Variants in HSD17B4 observed in about 807,000 individuals in gnomAD.
The protein encoded by HSD17B4 is peroxisomal multifunctional enzyme type 2.
In HSD17B4, 70 loss-of-function variants were observed where a neutral mutation model predicts 101.0. The ratio of observed to expected loss-of-function variants is 0.69; its 90% CI spans 0.57 to 0.85. The LOEUF (loss-of-function observed/expected upper bound fraction) is 0.85. HSD17B4 is among the 40% of genes least tolerant of loss of function. The pLI, the probability that HSD17B4 is intolerant of heterozygous loss-of-function variation, is 0.00. For missense variants in HSD17B4, 984 were observed against 892.4 expected (o/e 1.10, Z -1.31); for synonymous variants, 347 against 297.1 (o/e 1.17, Z -1.73).
At chr5:119,518,290 G>T (rs1003465884) in intron 17 of HSD17B4, among the ~76,000 whole-genome samples, 11 of 151,966 alleles carry the variant, frequency 7.2e-5, no homozygotes, top group African/African-American at 2.7e-4. Flanking sequence ...AAGGTCTGCA[G>T]CTTCACTCCT....
intron 12 of HSD17B4, among the ~76,000 whole-genome samples, chr5:119,497,085 GC>G (rs1210258636): frequency 1.3e-5 from 2 of 152,164 alleles, no homozygotes; most frequent in Admixed American, 1.3e-4. Flanking sequence ...GCCGAGTGGG[GC>G]TTGGAGAATG....
intron 13 of HSD17B4, among the ~76,000 whole-genome samples, chr5:119,500,596 G>C (rs1037774332): frequency 6.6e-6 from 1 of 151,942 alleles, no homozygotes; most frequent in East Asian, 1.9e-4. Flanking sequence ...GGTCTAACTG[G>C]GTCCTTAGCA....
intron 8 of HSD17B4, among the ~76,000 whole-genome samples, chr5:119,486,733 G>A (rs915525080): frequency 1.3e-5 from 2 of 152,084 alleles, no homozygotes; most frequent in African/African-American, 2.4e-5. Flanking sequence ...TCTTGTACAT[G>A]TGTTCTGGAT....
At chr5:119,533,810 A>T (rs1427379060) in intron 22 of HSD17B4, among the ~76,000 whole-genome samples, 1 of 152,120 alleles carries the variant, frequency 6.6e-6, no homozygotes, top group Non-Finnish European at 1.5e-5. Context: ...GCAGGAAGAA[A>T]ATGGAAGGAA....
At chr5:119,469,435 AC>A (rs1391593200) in intron 2 of HSD17B4, among the ~76,000 whole-genome samples, 1 of 151,800 alleles carries the variant, frequency 6.6e-6, no homozygotes, top group Non-Finnish European at 1.5e-5. Context: ...GCTCATTGCA[AC>A]CTCTGCCTCC....
chr5:119,497,394 T>C (rs914312518), intron 12 of HSD17B4, among the ~76,000 whole-genome samples: 7 of 152,230 alleles, frequency 4.6e-5, no homozygotes, highest in African/African-American at 1.7e-4. Flanking sequence ...CAGATATGTA[T>C]GCCTGCCTGG....
rs546975744 is a variant in HSD17B4 at position 119,500,339 on chromosome 5, T to G, written c.1209+786T>G. On this transcript the variant is annotated intron_variant, in intron 13 of 23. Transcript: ENST00000510025. ...AGAGAGATGGGTGCATATATATACA[T>G]TGTATATAGTTATACATTGTATATA... 2.6e-5 allele frequency among the ~76,000 whole-genome samples: 4 copies of G among 151,914 alleles called. No individual in the cohort carries two copies. In the East Asian group the frequency reaches 5.8e-4, roughly 22 times the overall value.
chr5:119,493,708 C>T (rs1022405300), intron 10 of HSD17B4, 110 bp from the exon 11 acceptor site: 11 of 986,966 alleles, frequency 1.1e-5, no homozygotes, highest in East Asian at 7.8e-5. Flanking sequence ...GAGTTAGAAT[C>T]CCTTTTTTTC....
intron 1 of HSD17B4, 89 bp downstream of exon 1, chr5:119,452,722 G>A (rs756688865): frequency 1.2e-6 from 2 of 1,605,218 alleles, no homozygotes; most frequent in Admixed American, 1.7e-5. Context: ...AGCCGCAGCT[G>A]AGGTCACCCC....
intron 2 of HSD17B4, among the ~76,000 whole-genome samples, chr5:119,462,578 A>G (rs747529410): frequency 2.0e-5 from 3 of 152,128 alleles, no homozygotes; most frequent in African/African-American, 4.8e-5. Context: ...TATTATTACT[A>G]CTAGAATTTT....
At position 119,499,505 on chromosome 5, in the gene HSD17B4, G is replaced by T. The variant is rs753737021; in HGVS notation, c.1161G>T (p.Met387Ile). The T allele has an allele frequency of 6.2e-7, 1 of 1,613,494 alleles. No homozygotes were observed. Among genetic ancestry groups the T allele is most frequent in the South Asian group, 1.1e-5 (1 of 91,056 alleles). The change falls in exon 13 of 24, where the codon ATG (methionine) becomes ATT (isoleucine). Residue 387 changes from methionine to isoleucine, a missense_variant. Coordinates refer to ENST00000510025, the MANE Select transcript of HSD17B4 (RefSeq NM_000414.4). ...TTATCATAGGTCAGAAATCTATGAT[G>T]GGTGGAGGATTAGCAGAAATTCCTG... is the stretch of plus-strand genomic sequence containing the variant. The part of the protein sequence containing the change: ...FGVIIGQKSM[M>I]GGGLAEIPGL...
chr5:119,489,909 C>T (rs149851953), intron 9 of HSD17B4, among the ~76,000 whole-genome samples: 194 of 152,072 alleles, frequency 1.3e-3, no homozygotes, highest in Non-Finnish European at 2.1e-3. Context: ...GCAGTGAGAT[C>T]CATTGTTCAC....
chr5:119,538,126 C>G (rs1580727270), intron 23 of HSD17B4, among the ~76,000 whole-genome samples: 1 of 152,086 alleles, frequency 6.6e-6, no homozygotes, highest in East Asian at 1.9e-4. Context: ...TTACTGTGAC[C>G]AAAATAGAAC....
At chr5:119,530,751 G>A (rs1312112006) in intron 21 of HSD17B4, among the ~76,000 whole-genome samples, 1 of 147,538 alleles carries the variant, frequency 6.8e-6, no homozygotes, top group African/African-American at 2.5e-5. Context: ...TACTCAAGAA[G>A]CTGAAGCAGG....
chr5:119,494,028 A>G (rs753505625), intron 11 of HSD17B4, 82 bp downstream of exon 11: 3 of 1,401,372 alleles, frequency 2.1e-6, no homozygotes, highest in Admixed American at 3.4e-5. Flanking sequence ...GTTGTCTTCT[A>G]TGTTAACTGT....
intron 1 of HSD17B4, among the ~76,000 whole-genome samples, chr5:119,455,639 A>G (rs1424092576): frequency 6.6e-6 from 1 of 151,656 alleles, no homozygotes; most frequent in Non-Finnish European, 1.5e-5. Flanking sequence ...AGAATTAAAT[A>G]TTTTCTGTAT....
intron 1 of HSD17B4, chr5:119,452,858 T>C (rs1342628091): frequency 1.3e-6 from 2 of 1,535,264 alleles, no homozygotes; most frequent in Non-Finnish European, 1.7e-6. Flanking sequence ...CGGTGTGGGC[T>C]TCCCAAGGTC....
chr5:119,478,673 T>C (rs1300399814), intron 7 of HSD17B4, among the ~76,000 whole-genome samples, 161 bp from the exon 8 acceptor site: 3 of 152,222 alleles, frequency 2.0e-5, no homozygotes, highest in Non-Finnish European at 4.4e-5. Flanking sequence ...AGATTACTTA[T>C]ATATTAATAT....
chr5:119,511,525 C>T (rs995116451), intron 16 of HSD17B4, among the ~76,000 whole-genome samples: 10 of 151,978 alleles, frequency 6.6e-5, no homozygotes, highest in African/African-American at 2.4e-4. Flanking sequence ...AAAAATAGAA[C>T]AGTAATCTAG....
Sources: allele counts gnomAD v4.1 joint callset (sites outside exome capture counted in the v4.1 genomes callset), GRCh38; gene constraint gnomAD v4.1.1; transcripts MANE v1.5; gene names NCBI Gene and HGNC (gene_info 2026-07-23, HGNC 2026-07-21).